LRTM3: variants seen among roughly 807,000 people sequenced by gnomAD.
LRTM3 encodes the protein leucine rich repeat transmembrane protein 3.
the LRTM3 span, chr13:102,738,200 T>C: frequency 6.4e-7 from 1 of 1,551,030 alleles, no homozygotes; most frequent in East Asian, 2.4e-5. Context: ...CATTATGTCT[T>C]TCTTAGCTGA....
the LRTM3 span, chr13:102,744,071 G>A: frequency 6.4e-7 from 1 of 1,550,510 alleles, no homozygotes; most frequent in Non-Finnish European, 8.7e-7. Flanking sequence ...AGCATATTCA[G>A]TGGCACTGAG....
chr13:102,748,573 T>C, the LRTM3 span: 1 of 1,550,868 alleles, frequency 6.4e-7, no homozygotes, highest in Non-Finnish European at 8.7e-7. Context: ...TATTGTTCGA[T>C]TCCATTTCAG....
At chr13:102,748,029 G>C in the LRTM3 span, 1 of 1,550,864 alleles carries the variant, frequency 6.4e-7, no homozygotes. Context: ...TCTGCGTTCT[G>C]TGTTTCCTTC....
the LRTM3 span, chr13:102,736,631 A>G: frequency 2.6e-6 from 4 of 1,551,030 alleles, no homozygotes; most frequent in Non-Finnish European, 3.5e-6. Context: ...GCTCAGAAGT[A>G]CAACTATTTC....
At chr13:102,732,663 A>G in the LRTM3 span, 2 of 1,551,196 alleles carry the variant, frequency 1.3e-6, no homozygotes, top group East Asian at 2.4e-5. Context: ...GCCTTTAGAG[A>G]TAGAAGATGC....
At chr13:102,744,692 C>T in the LRTM3 span, 3 of 1,550,794 alleles carry the variant, frequency 1.9e-6, no homozygotes, top group African/African-American at 1.4e-5. Context: ...GAGGTGTTGA[C>T]TATAGCATGG....
the LRTM3 span, chr13:102,731,054 T>C: frequency 1.2e-5 from 19 of 1,551,466 alleles, no homozygotes; most frequent in South Asian, 2.3e-4. Context: ...CATGAGGAGT[T>C]TGCCTTTTTC....
At chr13:102,739,907 T>C in the LRTM3 span, 24 of 1,550,282 alleles carry the variant, frequency 1.5e-5, no homozygotes, top group Non-Finnish European at 2.0e-5. Flanking sequence ...TTCTAGTCTG[T>C]TACTTGAGGC....
the LRTM3 span, chr13:102,729,558 T>C: frequency 6.6e-7 from 1 of 1,518,738 alleles, no homozygotes; most frequent in Non-Finnish European, 8.8e-7. Flanking sequence ...AGGGGAATTC[T>C]GAAGTTTCTT....
At chr13:102,735,998 A>G in the LRTM3 span, 39 of 1,549,946 alleles carry the variant, frequency 2.5e-5, no homozygotes, top group Non-Finnish European at 3.1e-5. Flanking sequence ...CCTCAAATGT[A>G]TCCTTTTGGG....
the LRTM3 span, chr13:102,738,506 A>G: frequency 1.9e-6 from 3 of 1,550,898 alleles, no homozygotes; most frequent in East Asian, 4.9e-5. Context: ...TTTAATGTCC[A>G]ACTGAATTCC....
At chr13:102,747,586 A>G in the LRTM3 span, 1 of 1,551,084 alleles carries the variant, frequency 6.4e-7, no homozygotes, top group Non-Finnish European at 8.7e-7. Flanking sequence ...CTGCAATATG[A>G]CTATCCGTTG....
At chr13:102,746,888 T>A in the LRTM3 span, 1 of 1,551,284 alleles carries the variant, frequency 6.4e-7, no homozygotes, top group Non-Finnish European at 8.7e-7. Flanking sequence ...GCAGTCTGTT[T>A]GTGTTTTTTG....
At chr13:102,733,272 A>G in the LRTM3 span, 4 of 1,551,152 alleles carry the variant, frequency 2.6e-6, no homozygotes, top group Admixed American at 3.9e-5. Context: ...TTTTTGAGTG[A>G]TCCCTTTGTC....
chr13:102,730,171 A>G, the LRTM3 span: 1 of 1,550,466 alleles, frequency 6.4e-7, no homozygotes. Flanking sequence ...CTCTAGTACA[A>G]TGGGAACCTG....
chr13:102,729,645 C>G, the LRTM3 span: 4 of 1,533,884 alleles, frequency 2.6e-6, no homozygotes. Context: ...GGTACACAGG[C>G]AAAAAAAAAG....
the LRTM3 span, chr13:102,735,435 T>C: frequency 6.4e-7 from 1 of 1,551,338 alleles, no homozygotes. Context: ...TGTCCTTCTG[T>C]TGTATCAAAC....
chr13:102,732,525 G>GA, the LRTM3 span: 1 of 1,551,140 alleles, frequency 6.4e-7, no homozygotes, highest in Non-Finnish European at 8.7e-7. Context: ...ACATTTCTTT[G>GA]AAATAATTTT....
chr13:102,735,689 C>T, the LRTM3 span: 1 of 1,551,112 alleles, frequency 6.4e-7, no homozygotes, highest in African/African-American at 1.4e-5. Flanking sequence ...TTGCACTGGT[C>T]CTTTTGAGTT....
Sources: allele counts gnomAD v4.1 joint callset, GRCh38; gene constraint gnomAD v4.1.1; transcripts MANE v1.5; gene names NCBI Gene and HGNC (gene_info 2026-07-23, HGNC 2026-07-21).